TMEM120B: variants seen among roughly 807,000 people sequenced by gnomAD.
TMEM120B encodes the protein transmembrane protein 120B.
TMEM120B carries 31 observed loss-of-function variants against 55.5 expected under a neutral mutation model. The ratio of observed to expected loss-of-function variants is 0.56; its 90% CI spans 0.42 to 0.75. TMEM120B has a LOEUF of 0.75. Among genes scored for constraint, TMEM120B ranks in the 30% least tolerant of loss-of-function variants. TMEM120B has a pLI of 0.00. For missense variants in TMEM120B, 399 were observed against 425.5 expected (o/e 0.94, Z 0.55); for synonymous variants, 203 against 176.3 (o/e 1.15, Z -1.20).
chr12:121,729,062 A>G (rs1186393213), intron 1 of TMEM120B, among the ~76,000 whole-genome samples: 1 of 152,212 alleles, frequency 6.6e-6, no homozygotes, highest in Non-Finnish European at 1.5e-5. Context: ...GCCAGGCCTA[A>G]CCCTGCTTCT....
intron 1 of TMEM120B, among the ~76,000 whole-genome samples, chr12:121,730,146 C>T (rs1314886808): frequency 6.6e-6 from 1 of 150,684 alleles, no homozygotes; most frequent in Non-Finnish European, 1.5e-5. Flanking sequence ...GTAATCCCAG[C>T]TACTCAAGAG....
At chr12:121,765,605 T>G (rs1873821857) in intron 6 of TMEM120B, among the ~76,000 whole-genome samples, 1 of 152,216 alleles carries the variant, frequency 6.6e-6, no homozygotes, top group Non-Finnish European at 1.5e-5. Flanking sequence ...TATCTTCTAT[T>G]TAGGTTAGTC....
intron 1 of TMEM120B, among the ~76,000 whole-genome samples, chr12:121,735,544 G>A (rs1373890720): frequency 2.0e-5 from 3 of 151,578 alleles, no homozygotes; most frequent in South Asian, 2.1e-4. Flanking sequence ...GACTACAGGC[G>A]CACACCACCA....
At chr12:121,774,066 C>G (rs1874155695) in intron 9 of TMEM120B, among the ~76,000 whole-genome samples, 1 of 151,852 alleles carries the variant, frequency 6.6e-6, no homozygotes, top group Non-Finnish European at 1.5e-5. Context: ...AGTGATTCTC[C>G]CGCCTCAGCC....
chr12:121,723,568 C>T (rs1027066124), intron 1 of TMEM120B, among the ~76,000 whole-genome samples: 4 of 152,080 alleles, frequency 2.6e-5, no homozygotes, highest in African/African-American at 7.2e-5. Flanking sequence ...AAACAGATAC[C>T]CCAGCCTCTC....
chr12:121,768,425 A>G (rs1342271259), intron 6 of TMEM120B, among the ~76,000 whole-genome samples: 1 of 152,230 alleles, frequency 6.6e-6, no homozygotes, highest in Non-Finnish European at 1.5e-5. Flanking sequence ...ATTTATGCCC[A>G]GAACTGTTGC....
At chr12:121,745,088 C>T (rs1164868697) in intron 2 of TMEM120B, among the ~76,000 whole-genome samples, 1 of 152,168 alleles carries the variant, frequency 6.6e-6, no homozygotes, top group Non-Finnish European at 1.5e-5. Context: ...CCTCTGCCCA[C>T]TGATGCCAGT....
chr12:121,752,463 G>A (rs1268358338), intron 5 of TMEM120B, among the ~76,000 whole-genome samples: 1 of 152,150 alleles, frequency 6.6e-6, no homozygotes, highest in Admixed American at 6.6e-5. Context: ...AGTTAAGAAG[G>A]AGTTCATTAC....
In TMEM120B at chr12:121,752,110, G is replaced by T; in HGVS notation, c.366-18G>T. 6.2e-7 allele frequency: 1 copy of T among 1,610,502 alleles called. No homozygotes were observed. Among genetic ancestry groups the T allele is most frequent in the South Asian group, 1.1e-5 (1 of 90,902 alleles). ...GTCATGGTAAGGGGCACACCCCTGG[G>T]CGTGTCTGTCGTGGCAGGTTCGCCT... On this transcript the variant is annotated intron_variant, in intron 4 of 11. Transcript: ENST00000449592.
In TMEM120B at chr12:121,780,758, A is replaced by T; in HGVS notation, c.*5036A>T. 2.5e-6 allele frequency: 3 copies of T among 1,220,346 alleles called. No homozygotes were observed. Among genetic ancestry groups the T allele is most frequent in the Non-Finnish European group, 3.4e-6 (3 of 888,936 alleles). 75.6% of individuals were successfully genotyped at this position (1,220,346 alleles called of 1,614,324 possible). On this transcript the variant is annotated 3_prime_UTR_variant, in exon 12 of 12. Transcript: ENST00000449592. The stretch of plus-strand genomic sequence containing the variant: ...CTAATAGTTAAAAATTATTCTTAGA[A>T]TCTTGCTTCCCTCAGCTCCCTGAAA...
At chr12:121,761,574 C>CT (rs1265645182) in intron 5 of TMEM120B, 75 bp from the exon 6 acceptor site, 2 of 1,147,284 alleles carry the variant, frequency 1.7e-6, no homozygotes, top group Admixed American at 3.5e-5. Context: ...GTTTGCTGCT[C>CT]TGTGAGGTGA....
At chr12:121,724,746 G>A (rs1359219465) in intron 1 of TMEM120B, among the ~76,000 whole-genome samples, 1 of 151,852 alleles carries the variant, frequency 6.6e-6, no homozygotes, top group Non-Finnish European at 1.5e-5. Flanking sequence ...GAGTAGCTGG[G>A]ACTACAGGCG....
At chr12:121,736,248 C>T (rs1351931321) in intron 1 of TMEM120B, among the ~76,000 whole-genome samples, 4 of 151,844 alleles carry the variant, frequency 2.6e-5, no homozygotes, top group African/African-American at 9.7e-5. Context: ...GGTCTCAGCT[C>T]ACTGCAACCT....
chr12:121,757,631 C>G (rs917602639), intron 5 of TMEM120B, among the ~76,000 whole-genome samples: 2 of 152,120 alleles, frequency 1.3e-5, no homozygotes, highest in Non-Finnish European at 2.9e-5. Context: ...ATTCTCCTGC[C>G]TCAGCCTCCC....
Position 121,776,038 on chromosome 12 carries a change from C to A in TMEM120B, c.*316C>A. On this transcript the variant is annotated 3_prime_UTR_variant, in exon 12 of 12. Coordinates refer to ENST00000449592, the MANE Select transcript of TMEM120B (RefSeq NM_001080825.2). ...GAAGCCTCAGGGAGCCCCTCTGTTC[C>A]CACTCCTGTCATTTGAACCCCTCTG... The A allele has an allele frequency of 1.7e-6, 1 of 580,978 alleles. No homozygotes were observed. Among genetic ancestry groups the A allele is most frequent in the South Asian group, 2.2e-5 (1 of 46,012 alleles). 36.0% of individuals were successfully genotyped at this position (580,978 alleles called of 1,614,324 possible). A position where few individuals can be genotyped will look rare whatever the true frequency, so the allele number is the denominator to read the frequency against.
chr12:121,774,861 C>A, intron 10 of TMEM120B, 139 bp downstream of exon 10: 1 of 1,223,178 alleles, frequency 8.2e-7, no homozygotes, highest in Non-Finnish European at 1.2e-6. Context: ...AGCCTCTGGG[C>A]CCAGGGATGC....
rs1874204019 is a variant in TMEM120B at position 121,775,336 on chromosome 12, G to GCTGTGTGTT, written c.906+207_906+208insTGTGTGTTC. 1.2e-6 allele frequency: 1 copy of GCTGTGTGTT among 817,860 alleles called. No individual in the cohort carries two copies. Among genetic ancestry groups the GCTGTGTGTT allele is most frequent in the South Asian group, 5.6e-5 (1 of 17,872 alleles). The allele number at this position is 817,860 out of a possible 1,614,324, so 50.7% of individuals were successfully genotyped here. Reference sequence around the variant, plus strand: ...TGGCAGGTGTGGGGTGTTGTGGGGGGCCTGCTTGGCGGGAGGCTTCTGGAA... The same window carrying GCTGTGTGTT: ...TGGCAGGTGTGGGGTGTTGTGGGGGGCTGTGTGTTCCTGCTTGGCGGGAGGCTTCTGGAA... On this transcript the variant is annotated intron_variant, in intron 11 of 11. Coordinates refer to ENST00000449592, the MANE Select transcript of TMEM120B (RefSeq NM_001080825.2). The surrounding 1 kb of genome is among the most constrained non-coding windows in gnomAD (Gnocchi z 4.3).
chr12:121,730,127 C>T (rs2137040803), intron 1 of TMEM120B, among the ~76,000 whole-genome samples: 1 of 149,352 alleles, frequency 6.7e-6, no homozygotes, highest in South Asian at 2.1e-4. Context: ...GGCGTGGTAG[C>T]AGGCGCCTGT....
chr12:121,773,767 T>TACACACAC (rs139459284), intron 9 of TMEM120B, among the ~76,000 whole-genome samples: 1 of 151,262 alleles, frequency 6.6e-6, no homozygotes, highest in Non-Finnish European at 1.5e-5. Flanking sequence ...TGTTCTAGAA[T>TACACACAC]ACACACACAC....
Sources: gnomAD v4.1 joint callset for allele counts (sites outside exome capture counted in the v4.1 genomes callset) on GRCh38, gnomAD v4.1.1 for gene constraint, Gnocchi (gnomAD v3.1) non-coding constraint, MANE v1.5 for transcripts, NCBI Gene and HGNC (gene_info 2026-07-23, HGNC 2026-07-21) for gene names.